Variants in AASDH observed in about 807,000 individuals in gnomAD.
AASDH encodes the protein aminoadipate-semialdehyde dehydrogenase, also known as beta-alanine-activating enzyme.
AASDH carries 81 observed loss-of-function variants against 102.3 expected under a neutral mutation model. The ratio of observed to expected loss-of-function variants is 0.79; its 90% CI spans 0.66 to 0.95. The LOEUF (loss-of-function observed/expected upper bound fraction) is 0.95. Among genes scored for constraint, AASDH ranks in the 40% least tolerant of loss-of-function variants. The pLI is 0.00. For missense variants in AASDH, 1,203 were observed against 1,266.2 expected (o/e 0.95, Z 0.76); for synonymous variants, 398 against 454.0 (o/e 0.88, Z 1.57).
chr4:56,364,593 C>T (rs966069355), intron 5 of AASDH, among the ~76,000 whole-genome samples: 2 of 152,138 alleles, frequency 1.3e-5, no homozygotes, highest in Non-Finnish European at 2.9e-5. Flanking sequence ...AATTTTCAAC[C>T]CAGAATTTCA....
At position 56,347,041 on chromosome 4, in the gene AASDH, A is replaced by G. The variant is rs28549006; in HGVS notation, c.2489-1751T>C. On this transcript the variant is annotated intron_variant, in intron 11 of 14. Coordinates refer to ENST00000205214, the MANE Select transcript of AASDH (RefSeq NM_181806.4). ...GGGTGACAGAGCAAGACGCTGTCTT[A>G]AAAAAAAAAAAAAAGATGCTCAACA... is the stretch of plus-strand genomic sequence containing the variant. Among the ~76,000 whole-genome samples the G allele has an allele frequency of 6.7e-3, 904 of 134,556 alleles. 12 individuals carry two copies. Among genetic ancestry groups the G allele is most frequent in the African/African-American group, 0.025 (856 of 33,598 alleles). 88.3% of individuals were successfully genotyped at this position (134,556 alleles called of 152,430 possible). A position where few individuals can be genotyped will look rare whatever the true frequency, so the allele number is the denominator to read the frequency against.
intron 9 of AASDH, among the ~76,000 whole-genome samples, chr4:56,351,807 G>A (rs535599298): frequency 3.1e-4 from 47 of 151,646 alleles, no homozygotes; most frequent in Non-Finnish European, 3.8e-4. Context: ...CTAGCTACTC[G>A]GGAGGCTTAG....
Position 56,338,312 on chromosome 4 carries a change from T to TCTTC in AASDH, c.*89_*90insGAAG. ...CCGTTTCTTAGCCAAAATATAATCT[T>TCTTC]CTTTAATATAAAATAAGTCCACATG... On this transcript the variant is annotated 3_prime_UTR_variant, in exon 15 of 15. Coordinates refer to ENST00000205214, the MANE Select transcript of AASDH (RefSeq NM_181806.4). 2 of 1,404,122 alleles carry TCTTC rather than the reference T, an allele frequency of 1.4e-6. No individual in the cohort carries two copies. The highest frequency in any genetic ancestry group is 2.3e-4 in the Middle Eastern group (1 of 4,408). The allele number at this position is 1,404,122 out of a possible 1,614,324, so 87.0% of individuals were successfully genotyped here.
intron 5 of AASDH, among the ~76,000 whole-genome samples, chr4:56,369,878 T>C (rs1347766416): frequency 1.3e-5 from 2 of 148,238 alleles, no homozygotes; most frequent in Admixed American, 6.7e-5. Flanking sequence ...AGACAGACAT[T>C]GCAGTGAGCC....
intron 13 of AASDH, 95 bp from the exon 14 acceptor site, chr4:56,343,061 C>T: frequency 8.1e-7 from 1 of 1,238,238 alleles, no homozygotes; most frequent in East Asian, 3.2e-5. Flanking sequence ...AGGGTTAGAA[C>T]TAAAATAGCA....
chr4:56,386,385 G>T (rs1753554846), intron 1 of AASDH, among the ~76,000 whole-genome samples: 1 of 152,052 alleles, frequency 6.6e-6, no homozygotes, highest in East Asian at 1.9e-4. Flanking sequence ...AGACATTTAA[G>T]GTAAAATCCA....
At chr4:56,364,359 TAC>T (rs1190294643) in intron 5 of AASDH, among the ~76,000 whole-genome samples, 1 of 151,864 alleles carries the variant, frequency 6.6e-6, no homozygotes, top group Non-Finnish European at 1.5e-5. Context: ...ATTCAGGAAA[TAC>T]AGAGAACACC....
chr4:56,343,022 C>A, intron 13 of AASDH, 56 bp from the exon 14 acceptor site: 1 of 1,438,254 alleles, frequency 7.0e-7, no homozygotes, highest in South Asian at 1.5e-5. Context: ...AATCAGTTAC[C>A]CTTTAAAAAA....
chr4:56,353,530 G>A lies in AASDH; in HGVS notation c.1450C>T (p.Leu484Phe). 2 of 1,613,608 alleles carry A rather than the reference G, an allele frequency of 1.2e-6. No individual in the cohort carries two copies. The highest frequency in any genetic ancestry group is 1.7e-6 in the Non-Finnish European group (2 of 1,179,926). Residue 484 changes from leucine to phenylalanine, a missense_variant, in exon 9 of 15, where the codon CTC becomes TTC. Transcript: ENST00000205214. ...GAAGCATCTTTAGACACCATGAAGAGAATTAATTTTTCCTGATTATACCAT... is the reference window on the plus strand; with the variant it reads ...GAAGCATCTTTAGACACCATGAAGAAAATTAATTTTTCCTGATTATACCAT... ...VTWYNQEKLI[L>F]FMVSKDASVK... is the part of the protein sequence containing the mutation.
intron 6 of AASDH, among the ~76,000 whole-genome samples, 161 bp from the exon 7 acceptor site, chr4:56,354,972 T>C (rs1454256355): frequency 6.6e-6 from 1 of 152,192 alleles, no homozygotes; most frequent in Non-Finnish European, 1.5e-5. Context: ...GGTAACCATA[T>C]ATGTTATTCA....
At chr4:56,375,569 A>G (rs899904477) in intron 4 of AASDH, among the ~76,000 whole-genome samples, 12 of 152,066 alleles carry the variant, frequency 7.9e-5, no homozygotes, top group African/African-American at 2.9e-4. Context: ...TCATAAATCA[A>G]CCCTTCACCC....
chr4:56,365,198 G>A (rs1035522796), intron 5 of AASDH, among the ~76,000 whole-genome samples: 2,431 of 151,898 alleles, frequency 0.016, 78 homozygotes, highest in African/African-American at 0.055. Context: ...ACCCAATACA[G>A]GAGCACCCAG....
chr4:56,364,577 GA>G (rs2109942076), intron 5 of AASDH, among the ~76,000 whole-genome samples: 1 of 152,306 alleles, frequency 6.6e-6, no homozygotes, highest in African/African-American at 2.4e-5. Flanking sequence ...CATTCTTAAA[GA>G]AAAGAATTTT....
intron 5 of AASDH, among the ~76,000 whole-genome samples, chr4:56,368,169 A>C (rs1751253295): frequency 6.6e-6 from 1 of 152,250 alleles, no homozygotes; most frequent in Non-Finnish European, 1.5e-5. Flanking sequence ...CCACAATGAG[A>C]TACCATCTCT....
chr4:56,366,241 CA>C lies in AASDH; in HGVS notation c.861+5209del, dbSNP rs1188474827. ...AGGCAATAATTAATAGCCTACGAAC[CA>C]AAAAAAGTCCAGGACCAGGTTGATT... On this transcript the variant is annotated intron_variant, in intron 5 of 14. Coordinates refer to ENST00000205214, the MANE Select transcript of AASDH (RefSeq NM_181806.4). Among the ~76,000 whole-genome samples the C allele has an allele frequency of 2.0e-5, 3 of 152,070 alleles. No homozygotes were observed. The East Asian group carries it at 5.8e-4, about 29-fold the overall frequency.
Position 56,361,505 on chromosome 4 carries a change from C to T in AASDH, c.862-6082G>A, listed in dbSNP as rs553795051. Among the ~76,000 whole-genome samples, 155 of 152,150 alleles carry T rather than the reference C, an allele frequency of 1.0e-3. 1 individual carries two copies. The highest frequency in any genetic ancestry group is 3.7e-3 in the African/African-American group (152 of 41,468). On this transcript the variant is annotated intron_variant, in intron 5 of 14. Transcript: ENST00000205214. ...GAGGGGCAGAATACAAGTCAGCATCCTTTGCTAGTAAATCATTCTAGACAT... is the reference window on the plus strand; with the variant it reads ...GAGGGGCAGAATACAAGTCAGCATCTTTTGCTAGTAAATCATTCTAGACAT...
intron 7 of AASDH, 146 bp from the exon 8 acceptor site, chr4:56,354,357 A>T: frequency 3.2e-6 from 2 of 628,674 alleles, no homozygotes; most frequent in Non-Finnish European, 4.9e-6. Context: ...TATCTGATAA[A>T]ATCAGACACA....
chr4:56,354,336 T>C (rs1749348136), intron 7 of AASDH, 125 bp from the exon 8 acceptor site: 1 of 746,264 alleles, frequency 1.3e-6, no homozygotes, highest in South Asian at 4.1e-5. Context: ...GATGGGCTCA[T>C]TTTAAAATGT....
At chr4:56,387,024 C>A (rs928411708) in intron 1 of AASDH, among the ~76,000 whole-genome samples, 2 of 152,104 alleles carry the variant, frequency 1.3e-5, no homozygotes, top group Admixed American at 6.6e-5. Flanking sequence ...CCCAATTCCC[C>A]GGCTTCTAAA....
Sources: gnomAD v4.1 joint callset for allele counts (sites outside exome capture counted in the v4.1 genomes callset) on GRCh38, gnomAD v4.1.1 for gene constraint, MANE v1.5 for transcripts, NCBI Gene and HGNC (gene_info 2026-07-23, HGNC 2026-07-21) for gene names.